The following FRMD4B variants were observed in gnomAD, a reference collection of about 807,000 sequenced individuals.
FRMD4B encodes the protein FERM domain-containing protein 4B.
FRMD4B carries 74 observed loss-of-function variants against 141.5 expected under a neutral mutation model. That is an observed-to-expected ratio of 0.52 (90% confidence interval 0.43 to 0.63). The LOEUF (loss-of-function observed/expected upper bound fraction) is 0.63. FRMD4B is among the 30% of genes least tolerant of loss of function. The pLI is 0.00. For synonymous variants in FRMD4B, 506 were observed against 467.9 expected (o/e 1.08, Z -1.05); for missense variants, 1,366 against 1,253.4 (o/e 1.09, Z -1.36).
intron 5 of FRMD4B, among the ~76,000 whole-genome samples, chr3:69,283,975 C>CAAAACAAA (rs2093655819): frequency 6.8e-6 from 1 of 147,272 alleles, no homozygotes; most frequent in East Asian, 2.0e-4. Context: ...CAAAACAAAA[C>CAAAACAAA]AAAAAAAACA....
chr3:69,410,731 ATATATATATATATATATAT>A (rs1559519826), intron 2 of FRMD4B, among the ~76,000 whole-genome samples: 4,311 of 81,434 alleles, frequency 0.053, 188 homozygotes, highest in East Asian at 0.14. Flanking sequence ...AAATAAATAT[ATATATATATATATATATAT>A]ATATATATAT....
At chr3:69,511,899 T>C (rs1440026742) in intron 1 of FRMD4B, among the ~76,000 whole-genome samples, 1 of 152,124 alleles carries the variant, frequency 6.6e-6, no homozygotes, top group Non-Finnish European at 1.5e-5. Context: ...TATATACAAC[T>C]TAGAAGAGAG....
Position 69,170,310 on chromosome 3 carries a change from TAG to T in FRMD4B, c.*1549_*1550del, listed in dbSNP as rs2092571518. 1 of 152,262 alleles carries T rather than the reference TAG, an allele frequency of 6.6e-6. No homozygotes were observed. The highest frequency in any genetic ancestry group is 1.9e-4 in the East Asian group (1 of 5,190). The allele number at this position is 152,262 out of a possible 1,614,324, so 9.4% of individuals were successfully genotyped here. On this transcript the variant is annotated 3_prime_UTR_variant, in exon 23 of 23. Coordinates refer to ENST00000398540, the MANE Select transcript of FRMD4B (RefSeq NM_015123.3). ...TTTATTGACCTATGTAAAAAAATAATAGGTCTTGAAAAGTCAGAACAATAAAA... is the reference window on the plus strand; with the variant it reads ...TTTATTGACCTATGTAAAAAAATAATGTCTTGAAAAGTCAGAACAATAAAA...
intron 1 of FRMD4B, among the ~76,000 whole-genome samples, chr3:69,504,432 G>A (rs1045391211): frequency 6.6e-6 from 1 of 152,028 alleles, no homozygotes. Flanking sequence ...GAACATTTTT[G>A]TCATTCCTAA....
intron 5 of FRMD4B, among the ~76,000 whole-genome samples, chr3:69,285,620 G>A (rs1194961449): frequency 1.3e-5 from 2 of 152,134 alleles, no homozygotes; most frequent in African/African-American, 4.8e-5. Context: ...GAGGCAGGTG[G>A]ATCACCTGAG....
chr3:69,356,592 C>T (rs1703329970), intron 1 of FRMD4B, among the ~76,000 whole-genome samples: 1 of 149,574 alleles, frequency 6.7e-6, no homozygotes, highest in African/African-American at 2.4e-5. Context: ...TATATACACA[C>T]ACACATACAT....
chr3:69,267,628 TATATATATAGAGAGAGAG>T (rs1559765424), intron 5 of FRMD4B, among the ~76,000 whole-genome samples: 42 of 11,908 alleles, frequency 3.5e-3, no homozygotes, highest in African/African-American at 0.01. Context: ...TATATATATA[TATATATATAGAGAGAGAG>T]AGAGAGAGAG....
chr3:69,513,153 A>G lies in FRMD4B; in HGVS notation c.-129+29053T>C, dbSNP rs75161972. ...ATTTTGAAAAAAATCAACAAATTTG[A>G]TAAGTTCTTAGATGAACTAAGAAAA... On this transcript the variant is annotated intron_variant, in intron 1 of 5. Transcript: ENST00000459638. 3.7e-3 allele frequency among the ~76,000 whole-genome samples: 564 copies of G among 152,270 alleles called. 3 individuals are homozygous for G. The highest frequency in any genetic ancestry group is 0.013 in the African/African-American group (537 of 41,588).
At chr3:69,519,447 T>C (rs1044759680) in intron 1 of FRMD4B, among the ~76,000 whole-genome samples, 3 of 152,080 alleles carry the variant, frequency 2.0e-5, no homozygotes, top group Non-Finnish European at 4.4e-5. Flanking sequence ...CACTGACCAA[T>C]AACCAGGAAT....
intron 1 of FRMD4B, among the ~76,000 whole-genome samples, chr3:69,479,212 G>A (rs1168344980): frequency 3.3e-5 from 5 of 149,374 alleles, no homozygotes; most frequent in Non-Finnish European, 5.9e-5. Flanking sequence ...TTACATTTAA[G>A]GTTAATATTG....
Position 69,310,551 on chromosome 3 carries a change from CAA to C in FRMD4B, c.323+710_323+711del, listed in dbSNP as rs1491340297. 22 of 389,112 alleles carry C rather than the reference CAA, an allele frequency of 5.7e-5. No homozygotes were observed. In the East Asian group the frequency reaches 6.3e-4, roughly 11 times the overall value. The allele number at this position is 389,112 out of a possible 1,614,324, so 24.1% of individuals were successfully genotyped here. A position where few individuals can be genotyped will look rare whatever the true frequency, so the allele number is the denominator to read the frequency against. On this transcript the variant is annotated intron_variant, in intron 3 of 22. Coordinates refer to ENST00000398540, the MANE Select transcript of FRMD4B (RefSeq NM_015123.3). ...AAAAAGACAGACAGATACACACAGA[CAA>C]ACACACACACACACACACACACACA...
chr3:69,195,198 C>T, intron 15 of FRMD4B, 33 bp downstream of exon 15: 1 of 1,613,218 alleles, frequency 6.2e-7, no homozygotes, highest in East Asian at 2.2e-5. Context: ...AGTTGTCAAA[C>T]ACAACTTGAT....
rs879006536 is a variant in FRMD4B, at chr3:69,182,655, C to T, written c.1982G>A (p.Arg661Gln). Residue 661 changes from arginine (R) to glutamine (Q), a missense_variant, in exon 20 of 23, where the codon CGA (arginine) becomes CAA (glutamine). By Grantham distance (43) the Arg-to-Gln change is conservative. Coordinates refer to ENST00000398540, the MANE Select transcript of FRMD4B (RefSeq NM_015123.3). ...AAGAACTGGCGTGGTGGGCATGCTT[C>T]GTCCTCCCTGGGGCCGCCTCTCCAG... ...KTLERRPQGG[R>Q]SMPTTPVLTR... 2.1e-5 allele frequency: 34 copies of T among 1,613,594 alleles called. No homozygotes were observed. In the Middle Eastern group the frequency reaches 4.9e-4, roughly 23 times the overall value.
At chr3:69,346,684 C>A (rs543546464) in intron 1 of FRMD4B, among the ~76,000 whole-genome samples, 2 of 152,152 alleles carry the variant, frequency 1.3e-5, no homozygotes, top group Non-Finnish European at 2.9e-5. Context: ...ATTCAACATT[C>A]TTAAAGAAAA....
intron 1 of FRMD4B, among the ~76,000 whole-genome samples, chr3:69,480,443 C>T (rs989253821): frequency 2.0e-5 from 3 of 152,188 alleles, no homozygotes; most frequent in African/African-American, 7.2e-5. Flanking sequence ...CCCTCAGCTG[C>T]CAGTCTGTTG....
chr3:69,504,696 T>C (rs1366808915), intron 1 of FRMD4B, among the ~76,000 whole-genome samples: 1 of 152,240 alleles, frequency 6.6e-6, no homozygotes, highest in Middle Eastern at 3.2e-3. Flanking sequence ...ACATTTTATT[T>C]ATCCATTCAT....
At chr3:69,438,054 G>T (rs1705288774) in intron 1 of FRMD4B, among the ~76,000 whole-genome samples, 1 of 141,154 alleles carries the variant, frequency 7.1e-6, no homozygotes, top group Non-Finnish European at 1.5e-5. Context: ...ACTACTATAT[G>T]ATATATAATT....
chr3:69,472,427 T>C (rs761016064), intron 1 of FRMD4B: 1 of 463,440 alleles, frequency 2.2e-6, no homozygotes, highest in Non-Finnish European at 4.3e-6. Flanking sequence ...TGGCCAATAA[T>C]TAATCACTAA....
intron 1 of FRMD4B, among the ~76,000 whole-genome samples, chr3:69,481,044 GT>G (rs1346024698): frequency 2.0e-5 from 3 of 152,172 alleles, no homozygotes; most frequent in Non-Finnish European, 4.4e-5. Context: ...CTGGTGCGCC[GT>G]TTTTTAAGCC....
Sources: allele counts gnomAD v4.1 joint callset (sites outside exome capture counted in the v4.1 genomes callset), GRCh38; gene constraint gnomAD v4.1.1; transcripts MANE v1.5; gene names NCBI Gene and HGNC (gene_info 2026-07-23, HGNC 2026-07-21).